The following MAPRE2 variants were observed in gnomAD, a reference collection of about 807,000 sequenced individuals.
The protein encoded by MAPRE2 is microtubule associated protein RP/EB family member 2.
In MAPRE2, 13 loss-of-function variants were observed where a neutral mutation model predicts 43.2. The ratio of observed to expected loss-of-function variants is 0.30; its 90% CI spans 0.20 to 0.48. The LOEUF (loss-of-function observed/expected upper bound fraction) is 0.48. Among genes scored for constraint, MAPRE2 ranks in the 20% least tolerant of loss-of-function variants. MAPRE2 has a pLI of 0.99. For missense variants in MAPRE2, 161 were observed against 400.2 expected, an observed-to-expected ratio of 0.40 and a Z score of 5.10; for synonymous variants, 135 against 148.8, an observed-to-expected ratio of 0.91 and a Z score of 0.68.
At chr18:35,027,788 T>C (rs1049067213) in intron 2 of MAPRE2, among the ~76,000 whole-genome samples, 2 of 152,182 alleles carry the variant, frequency 1.3e-5, no homozygotes, top group African/African-American at 2.4e-5. Context: ...TTCAGGAAGG[T>C]CTTGGTTAGG....
Position 35,087,142 on chromosome 18 carries a change from T to G in MAPRE2, c.251-10304T>G, listed in dbSNP as rs187502770. On this transcript the variant is annotated intron_variant, in intron 2 of 6. Transcript: ENST00000300249. ...CCATCTTCATACAGCCTCCCAGCTG[T>G]TCATTTTTTATTCCTGTCCTCACAC... is the stretch of plus-strand genomic sequence containing the variant. Among the ~76,000 whole-genome samples, 33 of 152,306 alleles carry G rather than the reference T, an allele frequency of 2.2e-4. 1 individual carries two copies. Among genetic ancestry groups the G allele is most frequent in the Admixed American group, 1.6e-3 (24 of 15,290 alleles).
chr18:35,070,965 G>T (rs1227803035), intron 2 of MAPRE2, among the ~76,000 whole-genome samples: 2 of 152,056 alleles, frequency 1.3e-5, no homozygotes, highest in Non-Finnish European at 2.9e-5. Flanking sequence ...AGCCTCGCAG[G>T]CTCCGTGGTG....
chr18:35,061,183 G>A (rs1906504680), intron 1 of MAPRE2, among the ~76,000 whole-genome samples: 1 of 152,080 alleles, frequency 6.6e-6, no homozygotes, highest in African/African-American at 2.4e-5. Flanking sequence ...CATTCATATT[G>A]GAATGATAGG....
chr18:34,993,298 A>G (rs1456368659), intron 1 of MAPRE2, among the ~76,000 whole-genome samples: 1 of 132,682 alleles, frequency 7.5e-6, no homozygotes, highest in South Asian at 2.4e-4. Context: ...AGGCAAGGTC[A>G]TGTTTTGTTG....
At chr18:35,100,609 T>C (rs910943658) in intron 3 of MAPRE2, among the ~76,000 whole-genome samples, 1 of 152,186 alleles carries the variant, frequency 6.6e-6, no homozygotes, top group African/African-American at 2.4e-5. Flanking sequence ...GTGACACATA[T>C]ACACCATGGA....
intron 2 of MAPRE2, among the ~76,000 whole-genome samples, chr18:35,071,998 C>T (rs556742162): frequency 1.3e-5 from 2 of 152,284 alleles, no homozygotes; most frequent in South Asian, 2.1e-4. Flanking sequence ...ACTTAGACTA[C>T]GATGATGATG....
At chr18:34,994,562 G>A (rs1215616661) in intron 1 of MAPRE2, among the ~76,000 whole-genome samples, 12 of 152,060 alleles carry the variant, frequency 7.9e-5, no homozygotes, top group Admixed American at 4.6e-4. Context: ...CCTTTTCATC[G>A]AGGCCGCATC....
intron 6 of MAPRE2, among the ~76,000 whole-genome samples, chr18:35,135,834 C>G (rs1910366914): frequency 6.6e-6 from 1 of 152,230 alleles, no homozygotes; most frequent in South Asian, 2.1e-4. Context: ...GCTGTGTGTA[C>G]AGAGCTGAGA....
intron 2 of MAPRE2, among the ~76,000 whole-genome samples, chr18:35,033,934 C>T (rs1436214358): frequency 6.8e-6 from 1 of 147,774 alleles, no homozygotes; most frequent in African/African-American, 2.5e-5. Flanking sequence ...AATGGCCATA[C>T]TGCCCAAGGT....
At position 35,066,379 on chromosome 18, in the gene MAPRE2, C is replaced by T. The variant is rs185138172; in HGVS notation, c.123-3816C>T. Among the ~76,000 whole-genome samples the T allele has an allele frequency of 1.4e-3, 220 of 152,218 alleles. 1 individual carries two copies. The highest frequency in any genetic ancestry group is 5.1e-3 in the African/African-American group (213 of 41,534). ...AGATATAAAATTTCCTTGTGTTATC[C>T]ACACAGCATTTCTGCAGACTAGGTA... On this transcript the variant is annotated intron_variant, in intron 1 of 6. Transcript: ENST00000300249.
chr18:35,059,309 T>C (rs1906397704), intron 1 of MAPRE2, among the ~76,000 whole-genome samples: 1 of 151,448 alleles, frequency 6.6e-6, no homozygotes, highest in Non-Finnish European at 1.5e-5. Flanking sequence ...TCCAGACATT[T>C]CCCTACTCAC....
intron 6 of MAPRE2, among the ~76,000 whole-genome samples, chr18:35,134,917 A>AGGAAGAGAGAGG (rs1353583722): frequency 6.6e-6 from 1 of 152,194 alleles, no homozygotes; most frequent in Admixed American, 6.5e-5. Context: ...CTTTAAGGGA[A>AGGAAGAGAGAGG]GGAAGAGAGA....
intron 2 of MAPRE2, among the ~76,000 whole-genome samples, chr18:35,030,004 A>G (rs1034179490): frequency 5.3e-5 from 8 of 152,252 alleles, no homozygotes; most frequent in Admixed American, 1.3e-4. Context: ...AAAGAAATGG[A>G]CATTGCTAGC....
At chr18:35,011,719 G>A (rs2097034791) in intron 2 of MAPRE2, among the ~76,000 whole-genome samples, 1 of 151,978 alleles carries the variant, frequency 6.6e-6, no homozygotes, top group African/African-American at 2.4e-5. Context: ...GTGGATTTGA[G>A]TACTATTTAG....
chr18:34,997,867 G>GAT (rs951925355), intron 1 of MAPRE2, among the ~76,000 whole-genome samples: 11 of 152,148 alleles, frequency 7.2e-5, no homozygotes, highest in Non-Finnish European at 1.3e-4. Flanking sequence ...TGGGTGATGT[G>GAT]ATATATATAA....
intron 1 of MAPRE2, among the ~76,000 whole-genome samples, chr18:35,066,131 C>G (rs914790681): frequency 1.2e-4 from 19 of 152,188 alleles, no homozygotes; most frequent in African/African-American, 4.3e-4. Context: ...ATTTATCTTT[C>G]TTGACTGAGT....
intron 4 of MAPRE2, among the ~76,000 whole-genome samples, chr18:35,114,340 C>T (rs141950400): frequency 2.0e-3 from 297 of 152,190 alleles, no homozygotes; most frequent in Non-Finnish European, 3.5e-3. Context: ...TGTTGTATTG[C>T]GATGACATTT....
intron 2 of MAPRE2, among the ~76,000 whole-genome samples, chr18:35,015,987 T>C (rs2097038006): frequency 6.6e-6 from 1 of 152,000 alleles, no homozygotes; most frequent in Non-Finnish European, 1.5e-5. Context: ...CCAGTTTCTA[T>C]TGTTGCCATC....
intron 2 of MAPRE2, among the ~76,000 whole-genome samples, chr18:35,075,437 T>G (rs1907303624): frequency 6.6e-6 from 1 of 152,162 alleles, no homozygotes; most frequent in South Asian, 2.1e-4. Context: ...AGAGTCTAAA[T>G]TTAGTAGGGC....
Sources: allele counts gnomAD v4.1 joint callset (sites outside exome capture counted in the v4.1 genomes callset), GRCh38; gene constraint gnomAD v4.1.1; transcripts MANE v1.5; gene names NCBI Gene and HGNC (gene_info 2026-07-23, HGNC 2026-07-21).